The following SLC14A2 variants were observed in gnomAD, a reference collection of about 807,000 sequenced individuals.
SLC14A2 encodes urea transporter 2.
Under a neutral mutation model 104.6 loss-of-function variants are expected in SLC14A2, and 91 were observed. The ratio of observed to expected loss-of-function variants is 0.87; its 90% CI spans 0.73 to 1.04. The LOEUF is 1.04. Among genes scored for constraint, SLC14A2 ranks in the 50% least tolerant of loss-of-function variants. The pLI is 0.00. For synonymous variants in SLC14A2, 476 were observed against 466.4 expected (o/e 1.02, Z -0.27); for missense variants, 1,189 against 1,156.0 (o/e 1.03, Z -0.41).
In SLC14A2 at chr18:45,625,724, C is replaced by G. The variant is rs767916603; in HGVS notation, c.192C>G (p.Ile64Met). ...ATGAAGACAGTCACATTGTGAAGAT[C>G]GAAAAGCTCAATGAAAGGAGTAAAA... ...SSNEDSHIVKIEKLNERSKRK... is the reference protein window; with the variant it reads ...SSNEDSHIVKMEKLNERSKRK... The change falls in exon 3 of 20, where the codon ATC (isoleucine) becomes ATG (methionine). Residue 64 changes from isoleucine to methionine, a missense_variant. Coordinates refer to ENST00000255226, the MANE Select transcript of SLC14A2 (RefSeq NM_007163.4). The G allele has an allele frequency of 1.3e-6, 2 of 1,561,998 alleles. No individual in the cohort carries two copies. The highest frequency in any genetic ancestry group is 2.5e-5 in the East Asian group (1 of 40,718).
chr18:45,567,263 C>G (rs985202055), intron 2 of SLC14A2, among the ~76,000 whole-genome samples: 2 of 152,088 alleles, frequency 1.3e-5, no homozygotes, highest in Non-Finnish European at 2.9e-5. Context: ...TCATAAATCT[C>G]AAGCCTGTGG....
intron 2 of SLC14A2, among the ~76,000 whole-genome samples, chr18:45,583,160 G>A (rs1385615296): frequency 6.6e-6 from 1 of 152,180 alleles, no homozygotes; most frequent in South Asian, 2.1e-4. Flanking sequence ...TCTTCCTTGT[G>A]CTCTAAATCC....
intron 1 of SLC14A2, among the ~76,000 whole-genome samples, chr18:45,351,548 T>A (rs531922417): frequency 6.6e-6 from 1 of 152,194 alleles, no homozygotes; most frequent in Admixed American, 6.5e-5. Flanking sequence ...AAAGACAAGG[T>A]CTCACTATGT....
chr18:45,326,296 C>T (rs796410412), intron 1 of SLC14A2, among the ~76,000 whole-genome samples: 2 of 152,160 alleles, frequency 1.3e-5, no homozygotes, highest in African/African-American at 4.8e-5. Flanking sequence ...ACTCATCAGT[C>T]CCAAAATTTG....
intron 1 of SLC14A2, among the ~76,000 whole-genome samples, chr18:45,308,030 G>C (rs949490671): frequency 1.3e-5 from 2 of 152,102 alleles, no homozygotes; most frequent in African/African-American, 4.8e-5. Context: ...TGAGAGAGGG[G>C]CCACGCTGTT....
At chr18:45,613,471 AAGAT>A (rs1352504528), upstream of SLC14A2, among the ~76,000 whole-genome samples, 1 of 152,140 alleles carries the variant, frequency 6.6e-6, no homozygotes, top group Admixed American at 6.5e-5. Context: ...AGCTCGGAGG[AAGAT>A]AGATAGAAAG....
intron 1 of SLC14A2, among the ~76,000 whole-genome samples, chr18:45,443,461 T>G (rs1254479633): frequency 6.6e-6 from 1 of 152,220 alleles, no homozygotes; most frequent in Non-Finnish European, 1.5e-5. Context: ...CACACAATCT[T>G]TCCGTGGATG....
intron 2 of SLC14A2, among the ~76,000 whole-genome samples, chr18:45,492,819 A>G (rs2043025507): frequency 1.3e-5 from 2 of 152,240 alleles, no homozygotes; most frequent in Non-Finnish European, 2.9e-5. Flanking sequence ...AAAAGAGGAT[A>G]GATGAGGTGC....
the SLC14A2 span, among the ~76,000 whole-genome samples, chr18:45,190,571 C>G: frequency 1.3e-5 from 2 of 152,088 alleles, no homozygotes; most frequent in African/African-American, 4.8e-5. Flanking sequence ...ATTTCTGCCC[C>G]TGAATCAAAA....
At chr18:45,197,685 G>C in the SLC14A2 span, among the ~76,000 whole-genome samples, 5 of 152,306 alleles carry the variant, frequency 3.3e-5, no homozygotes, top group Middle Eastern at 3.4e-3. Context: ...CAGGACTCTT[G>C]AGCAGCACTA....
intron 1 of SLC14A2, among the ~76,000 whole-genome samples, chr18:45,366,469 A>G (rs1019876884): frequency 1.3e-5 from 2 of 152,116 alleles, no homozygotes; most frequent in Non-Finnish European, 2.9e-5. Context: ...CCTACCTACA[A>G]AAAGACAGTG....
At chr18:45,643,914 T>TCTC in intron 9 of SLC14A2, 72 bp from the exon 10 acceptor site, 1 of 1,350,352 alleles carries the variant, frequency 7.4e-7, no homozygotes. Flanking sequence ...GTCACATCCT[T>TCTC]CTCCCCCAGA....
At chr18:45,474,453 T>C (rs933336641) in intron 1 of SLC14A2, among the ~76,000 whole-genome samples, 1 of 152,218 alleles carries the variant, frequency 6.6e-6, no homozygotes, top group Non-Finnish European at 1.5e-5. Context: ...GAAGGAGTGG[T>C]ACCAGCTCCT....
chr18:45,190,809 C>T, the SLC14A2 span, among the ~76,000 whole-genome samples: 1 of 152,166 alleles, frequency 6.6e-6, no homozygotes, highest in Non-Finnish European at 1.5e-5. Context: ...CCGCATATTA[C>T]AGGTGAGAAA....
At chr18:45,605,620 A>G (rs2044855681) in intron 2 of SLC14A2, among the ~76,000 whole-genome samples, 1 of 152,160 alleles carries the variant, frequency 6.6e-6, no homozygotes, top group Non-Finnish European at 1.5e-5. Flanking sequence ...AACTGGAGAG[A>G]AGTGGGCAGA....
At chr18:45,651,797 T>C (rs143468415) in intron 10 of SLC14A2, among the ~76,000 whole-genome samples, 1 of 152,348 alleles carries the variant, frequency 6.6e-6, no homozygotes, top group East Asian at 1.9e-4. Flanking sequence ...ACCAAAAATA[T>C]GCCACAAGTG....
intron 1 of SLC14A2, among the ~76,000 whole-genome samples, chr18:45,316,416 G>C (rs1352114203): frequency 6.6e-6 from 1 of 152,174 alleles, no homozygotes; most frequent in Non-Finnish European, 1.5e-5. Flanking sequence ...TGACCCAGAG[G>C]GGAAGGTGAA....
chr18:45,474,641 CT>C (rs2087322578), intron 1 of SLC14A2, among the ~76,000 whole-genome samples: 1 of 152,136 alleles, frequency 6.6e-6, no homozygotes, highest in South Asian at 2.1e-4. Context: ...TCCATTTCTT[CT>C]AGATTTTCTA....
intron 2 of SLC14A2, among the ~76,000 whole-genome samples, chr18:45,595,788 C>T (rs2044712053): frequency 6.6e-6 from 1 of 152,190 alleles, no homozygotes; most frequent in Non-Finnish European, 1.5e-5. Context: ...CTCTTCCCTG[C>T]TCCCCGGCTT....
Sources: gnomAD v4.1 joint callset for allele counts (sites outside exome capture counted in the v4.1 genomes callset) on GRCh38, gnomAD v4.1.1 for gene constraint, MANE v1.5 for transcripts, NCBI Gene and HGNC (gene_info 2026-07-23, HGNC 2026-07-21) for gene names.